Variants in ARID4B observed in about 807,000 individuals in gnomAD.
ARID4B encodes AT-rich interaction domain 4B, also known as AT-rich interactive domain-containing protein 4B.
In ARID4B, 26 loss-of-function variants were observed where a neutral mutation model predicts 147.5. The observed-to-expected ratio is 0.18, with a 90% confidence interval of 0.13 to 0.24. ARID4B has a LOEUF of 0.24. ARID4B is among the 10% of genes least tolerant of loss of function. The probability of loss-of-function intolerance (pLI) is 1.00; values close to 1 mark genes in which losing one functional copy is unlikely to be tolerated. For synonymous variants in ARID4B, 512 were observed against 507.9 expected (o/e 1.01, Z -0.11); for missense variants, 1,179 against 1,511.5 (o/e 0.78, Z 3.65).
At chr1:235,323,153 T>G (rs1674967186) in intron 2 of ARID4B, among the ~76,000 whole-genome samples, 1 of 150,688 alleles carries the variant, frequency 6.6e-6, no homozygotes, top group South Asian at 2.1e-4. Flanking sequence ...CGATCCTACC[T>G]CAGTCTCCTG....
rs774467532 is a variant in ARID4B, at chr1:235,175,327, G to C, written c.3521C>G (p.Ser1174Cys). 3 of 1,614,092 alleles carry C rather than the reference G, an allele frequency of 1.9e-6. No homozygotes were observed. The highest frequency in any genetic ancestry group is 2.2e-5 in the South Asian group (2 of 91,080). Reference sequence around the variant, plus strand: ...GGTACTATGAGACTTCATTCCAGTGGAAACTGATTTGACTGGCTGACTCTT... The same window carrying C: ...GGTACTATGAGACTTCATTCCAGTGCAAACTGATTTGACTGGCTGACTCTT... ...ITKSQPVKSV[S>C]TGMKSHSTKS... The change falls in exon 22 of 24, where the codon TCC becomes TGC. Residue 1174 changes from serine to cysteine, a missense_variant. Ser to Cys is a moderately radical substitution (Grantham distance 112, BLOSUM62 -1). Transcript: ENST00000264183.
intron 2 of ARID4B, among the ~76,000 whole-genome samples, chr1:235,264,835 A>C (rs902209375): frequency 3.3e-5 from 5 of 151,918 alleles, no homozygotes; most frequent in African/African-American, 4.8e-5. Flanking sequence ...AGGCGGGTGG[A>C]TTACCTGAAG....
chr1:235,219,184 T>C (rs72756065), intron 16 of ARID4B, among the ~76,000 whole-genome samples: 1 of 151,958 alleles, frequency 6.6e-6, no homozygotes, highest in Non-Finnish European at 1.5e-5. Context: ...ATTTTTTTTT[T>C]AATTCATTGT....
chr1:235,321,704 T>C (rs1455154639), intron 2 of ARID4B, among the ~76,000 whole-genome samples: 1 of 152,134 alleles, frequency 6.6e-6, no homozygotes, highest in Non-Finnish European at 1.5e-5. Context: ...TTTCACTGTG[T>C]TAGCCAGGAT....
intron 2 of ARID4B, among the ~76,000 whole-genome samples, chr1:235,263,932 TGCA>T (rs1670444248): frequency 2.0e-5 from 3 of 151,604 alleles, no homozygotes; most frequent in Non-Finnish European, 4.4e-5. Flanking sequence ...AGGCGGGGCT[TGCA>T]GTGAGCCAAG....
intron 2 of ARID4B, among the ~76,000 whole-genome samples, chr1:235,313,232 G>A (rs1674194740): frequency 6.6e-6 from 1 of 152,128 alleles, no homozygotes; most frequent in Admixed American, 6.5e-5. Flanking sequence ...GTTTCACCAT[G>A]TTGGCCAGGC....
intron 7 of ARID4B, among the ~76,000 whole-genome samples, chr1:235,245,128 T>C (rs1455661101): frequency 6.6e-6 from 1 of 152,230 alleles, no homozygotes; most frequent in Non-Finnish European, 1.5e-5. Context: ...ACTTTACACA[T>C]GTATAACACA....
chr1:235,231,290 A>T (rs1668219028), intron 9 of ARID4B, 101 bp from the exon 10 acceptor site: 1 of 635,478 alleles, frequency 1.6e-6, no homozygotes, highest in Non-Finnish European at 2.6e-6. Context: ...AGATACTGAA[A>T]ATATGGGAAT....
At chr1:235,234,599 A>C in intron 8 of ARID4B, 107 bp from the exon 9 acceptor site, 1 of 790,944 alleles carries the variant, frequency 1.3e-6, no homozygotes, top group Non-Finnish European at 2.0e-6. Flanking sequence ...TTTAAAAACT[A>C]ATTTTAGTTT....
chr1:235,194,905 G>T (rs1469324101), intron 18 of ARID4B, among the ~76,000 whole-genome samples: 1 of 152,102 alleles, frequency 6.6e-6, no homozygotes, highest in Admixed American at 6.6e-5. Context: ...AAAATTCCAG[G>T]TACTTTTGTA....
At chr1:235,220,621 T>C in intron 14 of ARID4B, 76 bp from the exon 15 acceptor site, 1 of 1,145,638 alleles carries the variant, frequency 8.7e-7, no homozygotes, top group Non-Finnish European at 1.2e-6. Flanking sequence ...TAATGTGTAT[T>C]CATTTCTTTT....
intron 17 of ARID4B, among the ~76,000 whole-genome samples, chr1:235,199,618 G>A (rs1385523556): frequency 6.6e-6 from 1 of 152,172 alleles, no homozygotes; most frequent in Non-Finnish European, 1.5e-5. Context: ...AACGGTAGGG[G>A]GCATTCCAGG....
intron 23 of ARID4B, among the ~76,000 whole-genome samples, chr1:235,170,950 T>G (rs1394361367): frequency 2.0e-5 from 3 of 147,218 alleles, no homozygotes; most frequent in Admixed American, 2.0e-4. Context: ...CACACACAAG[T>G]GGAAGCATAG....
At chr1:235,281,544 C>G (rs1328228654) in intron 2 of ARID4B, among the ~76,000 whole-genome samples, 1 of 152,022 alleles carries the variant, frequency 6.6e-6, no homozygotes, top group Middle Eastern at 3.2e-3. Context: ...GAGCGACATT[C>G]CGTCTCAAAA....
chr1:235,307,615 C>G (rs908721431), intron 2 of ARID4B, among the ~76,000 whole-genome samples: 1 of 152,120 alleles, frequency 6.6e-6, no homozygotes, highest in African/African-American at 2.4e-5. Flanking sequence ...CTTTTCTGAG[C>G]TAGATCATAT....
intron 2 of ARID4B, among the ~76,000 whole-genome samples, chr1:235,268,605 T>G (rs982291286): frequency 6.6e-6 from 1 of 152,104 alleles, no homozygotes; most frequent in African/African-American, 2.4e-5. Flanking sequence ...ATCGGCTCAC[T>G]GTAACCTCTG....
At chr1:235,232,757 TAA>T (rs1668319587) in intron 9 of ARID4B, among the ~76,000 whole-genome samples, 2 of 152,142 alleles carry the variant, frequency 1.3e-5, no homozygotes, top group African/African-American at 2.4e-5. Context: ...AATTTAATAT[TAA>T]GTCAATATTC....
In ARID4B at chr1:235,215,571, GTGTGTGTGTATA is replaced by G. The variant is rs1394475688; in HGVS notation, c.1584-1557_1584-1546del. ...TATGTGTGTGTGTGTGTGTGTGTGTGTGTGTGTGTATATATTTTTCCCCCCCTTGGAGACATG... is the reference window on the plus strand; with the variant it reads ...TATGTGTGTGTGTGTGTGTGTGTGTGTATTTTTCCCCCCCTTGGAGACATG... On this transcript the variant is annotated intron_variant, in intron 16 of 23. Coordinates refer to ENST00000264183, the MANE Select transcript of ARID4B (RefSeq NM_016374.6). Among the ~76,000 whole-genome samples the G allele has an allele frequency of 2.3e-4, 33 of 146,214 alleles. No individual in the cohort carries two copies. In the South Asian group the frequency reaches 6.9e-3, roughly 31 times the overall value.
chr1:235,309,970 T>C (rs988376713), intron 2 of ARID4B, among the ~76,000 whole-genome samples: 1 of 152,118 alleles, frequency 6.6e-6, no homozygotes, highest in African/African-American at 2.4e-5. Context: ...AAACAGATGC[T>C]TGAAGGCAGC....
Sources: allele counts gnomAD v4.1 joint callset (sites outside exome capture counted in the v4.1 genomes callset), GRCh38; gene constraint gnomAD v4.1.1; transcripts MANE v1.5; gene names NCBI Gene and HGNC (gene_info 2026-07-23, HGNC 2026-07-21).